Variants in CACNB2 observed in about 807,000 individuals in gnomAD.
The protein encoded by CACNB2 is voltage-dependent L-type calcium channel subunit beta-2.
A neutral mutation model predicts 73.3 loss-of-function variants in CACNB2; 42 were observed. The ratio of observed to expected loss-of-function variants is 0.57; its 90% CI spans 0.45 to 0.74. The LOEUF (loss-of-function observed/expected upper bound fraction) is 0.74. Among genes scored for constraint, CACNB2 ranks in the 30% least tolerant of loss-of-function variants. The pLI is 0.00. For synonymous variants in CACNB2, 348 were observed against 310.3 expected, an observed-to-expected ratio of 1.12 and a Z score of -1.28; for missense variants, 940 against 853.0, an observed-to-expected ratio of 1.10 and a Z score of -1.27.
intron 4 of CACNB2, chr10:18,498,891 T>G: frequency 4.7e-6 from 1 of 213,620 alleles, no homozygotes; most frequent in Non-Finnish European, 9.4e-6. Context: ...AGTGTCTCAA[T>G]ACAAACTACT....
rs778601937 is a variant in CACNB2, at chr10:18,534,211, A to C, written c.1190A>C (p.Lys397Thr). Reference sequence around the variant, plus strand: ...TTGGCCCCTATTATAGTATATGTAAAGATTTCTTCTCCTAAGGTAAGTAGG... The same window carrying C: ...TTGGCCCCTATTATAGTATATGTAACGATTTCTTCTCCTAAGGTAAGTAGG... ...TSLAPIIVYV[K>T]ISSPKVLQRL... Residue 397 changes from lysine (K) to threonine (T), a missense_variant, in exon 11 of 14, where the codon AAG becomes ACG. Physicochemically the swap from Lys to Thr is moderately conservative, Grantham distance 78. Coordinates refer to ENST00000324631, the MANE Select transcript of CACNB2 (RefSeq NM_201596.3). 1.2e-6 allele frequency: 2 copies of C among 1,613,418 alleles called. No individual in the cohort carries two copies. The highest frequency in any genetic ancestry group is 8.5e-7 in the Non-Finnish European group (1 of 1,179,364).
chr10:18,473,153 T>C (rs1285899682), intron 3 of CACNB2, among the ~76,000 whole-genome samples: 1 of 152,214 alleles, frequency 6.6e-6, no homozygotes, highest in Non-Finnish European at 1.5e-5. Flanking sequence ...GTCCACGCTT[T>C]AGCTCCACCC....
chr10:18,334,032 A>C (rs1024580538), intron 2 of CACNB2, among the ~76,000 whole-genome samples: 3 of 152,224 alleles, frequency 2.0e-5, no homozygotes, highest in Non-Finnish European at 4.4e-5. Context: ...CTTTCTGTTT[A>C]TGTCGACAGA....
intron 2 of CACNB2, among the ~76,000 whole-genome samples, chr10:18,360,776 C>T (rs1025071151): frequency 6.6e-6 from 1 of 152,142 alleles, no homozygotes; most frequent in African/African-American, 2.4e-5. Context: ...TCTGGGGTGT[C>T]AGATTATGCA....
chr10:18,436,709 A>G (rs2046154921), intron 3 of CACNB2, among the ~76,000 whole-genome samples: 1 of 152,224 alleles, frequency 6.6e-6, no homozygotes, highest in African/African-American at 2.4e-5. Context: ...TTCCATGTAG[A>G]TGCCAAAGCC....
At chr10:18,470,399 G>T (rs1007724568) in intron 3 of CACNB2, among the ~76,000 whole-genome samples, 2 of 149,206 alleles carry the variant, frequency 1.3e-5, no homozygotes, top group Non-Finnish European at 3.0e-5. Context: ...TATACAGCAT[G>T]TGTTACATAT....
At chr10:18,385,364 A>ACCC (rs754737184) in intron 2 of CACNB2, among the ~76,000 whole-genome samples, 7 of 83,168 alleles carry the variant, frequency 8.4e-5, no homozygotes, top group African/African-American at 2.7e-4. Flanking sequence ...GATTTGTAAT[A>ACCC]CCCCCCCCCC....
Position 18,500,338 on chromosome 10 carries a change from T to A in CACNB2, c.457-474T>A, listed in dbSNP as rs12416052. On this transcript the variant is annotated intron_variant, in intron 4 of 13. Transcript: ENST00000324631. ...AGAGAAATCATCTGTGAACATCGCATTGTATATTTATAAAACTGTTTGCAC... is the reference window on the plus strand; with the variant it reads ...AGAGAAATCATCTGTGAACATCGCAATGTATATTTATAAAACTGTTTGCAC... 1.1e-4 allele frequency among the ~76,000 whole-genome samples: 17 copies of A among 152,178 alleles called. 1 individual carries two copies. In the South Asian group the frequency reaches 3.1e-3, roughly 28 times the overall value.
intron 3 of CACNB2, among the ~76,000 whole-genome samples, chr10:18,492,643 A>G (rs940963247): frequency 1.3e-5 from 2 of 150,278 alleles, no homozygotes; most frequent in Admixed American, 6.6e-5. Context: ...AAAAAAGAAA[A>G]AAAGAAAAGA....
intron 10 of CACNB2, among the ~76,000 whole-genome samples, chr10:18,529,511 T>C (rs150685535): frequency 6.6e-6 from 1 of 152,306 alleles, no homozygotes; most frequent in African/African-American, 2.4e-5. Flanking sequence ...GGAAAGGCTT[T>C]TCCAGGGAGC....
chr10:18,170,377 G>T (rs998810121), intron 2 of CACNB2, among the ~76,000 whole-genome samples: 4 of 152,186 alleles, frequency 2.6e-5, no homozygotes, highest in African/African-American at 9.7e-5. Flanking sequence ...AAAGGTGAAA[G>T]AATAAGTCCT....
intron 2 of CACNB2, among the ~76,000 whole-genome samples, chr10:18,316,633 T>A (rs1029153131): frequency 6.6e-6 from 1 of 151,974 alleles, no homozygotes; most frequent in Non-Finnish European, 1.5e-5. Context: ...CTGGTTAAAT[T>A]TTGTATTCGT....
chr10:18,178,353 G>C (rs1295636878), intron 2 of CACNB2, among the ~76,000 whole-genome samples: 3 of 152,092 alleles, frequency 2.0e-5, no homozygotes, highest in African/African-American at 7.2e-5. Context: ...GGCTTTGTTA[G>C]AGCCTAATCT....
intron 2 of CACNB2, among the ~76,000 whole-genome samples, chr10:18,271,696 C>T (rs373871930): frequency 1.3e-5 from 2 of 152,138 alleles, no homozygotes; most frequent in African/African-American, 4.8e-5. Flanking sequence ...GGTTTAGAGG[C>T]TTTCATTGCC....
At chr10:18,381,684 G>C (rs1411644725) in intron 2 of CACNB2, among the ~76,000 whole-genome samples, 1 of 129,820 alleles carries the variant, frequency 7.7e-6, no homozygotes, top group Non-Finnish European at 1.6e-5. Context: ...GTGAGACTCC[G>C]TCTCAAAAAA....
At chr10:18,486,500 G>A (rs535352001) in intron 3 of CACNB2, among the ~76,000 whole-genome samples, 1 of 152,248 alleles carries the variant, frequency 6.6e-6, no homozygotes, top group African/African-American at 2.4e-5. Flanking sequence ...TCTCTGACAA[G>A]AGCCTGTGGG....
intron 3 of CACNB2, among the ~76,000 whole-genome samples, chr10:18,410,869 ACTC>A (rs1284446872): frequency 6.6e-6 from 1 of 151,966 alleles, no homozygotes; most frequent in Non-Finnish European, 1.5e-5. Flanking sequence ...AATCCCAACT[ACTC>A]TGGAGACTGA....
At chr10:18,458,478 A>G (rs1383784785) in intron 3 of CACNB2, among the ~76,000 whole-genome samples, 1 of 152,224 alleles carries the variant, frequency 6.6e-6, no homozygotes, top group Non-Finnish European at 1.5e-5. Context: ...CTCAACACAT[A>G]CTAGTCTCAA....
chr10:18,427,991 AT>A (rs1463223600), intron 3 of CACNB2, among the ~76,000 whole-genome samples: 1 of 152,014 alleles, frequency 6.6e-6, no homozygotes, highest in Non-Finnish European at 1.5e-5. Context: ...AGCTTTTTAC[AT>A]TTCTTTTTGA....
Sources: gnomAD v4.1 joint callset for allele counts (sites outside exome capture counted in the v4.1 genomes callset) on GRCh38, gnomAD v4.1.1 for gene constraint, MANE v1.5 for transcripts, NCBI Gene and HGNC (gene_info 2026-07-23, HGNC 2026-07-21) for gene names.